Variants in PDE1C observed in about 807,000 individuals in gnomAD.
The protein encoded by PDE1C is phosphodiesterase 1C, also known as dual specificity calcium/calmodulin-dependent 3',5'-cyclic nucleotide phosphodiesterase 1C.
PDE1C carries 62 observed loss-of-function variants against 93.1 expected under a neutral mutation model. That is an observed-to-expected ratio of 0.67 (90% CI 0.54 to 0.82). PDE1C has a LOEUF of 0.82. Ranked by LOEUF, PDE1C falls within the 40% of genes least tolerant of loss-of-function variation. The pLI is 0.00. For synonymous variants in PDE1C, 325 were observed against 310.1 expected, an observed-to-expected ratio of 1.05 and a Z score of -0.50; for missense variants, 742 against 884.6, an observed-to-expected ratio of 0.84 and a Z score of 2.04.
intron 1 of PDE1C, among the ~76,000 whole-genome samples, chr7:32,252,644 G>A (rs979456653): frequency 2.0e-5 from 3 of 152,208 alleles, no homozygotes; most frequent in Non-Finnish European, 4.4e-5. Flanking sequence ...GCAGCACAGA[G>A]GAGGGTGGGA....
intron 1 of PDE1C, among the ~76,000 whole-genome samples, chr7:32,236,043 A>C (rs78814931): frequency 0.16 from 24,922 of 152,078 alleles, 2,225 homozygotes; most frequent in East Asian, 0.29. Flanking sequence ...TGGAGGAAGA[A>C]TAGTCTGTCC....
intron 2 of PDE1C, among the ~76,000 whole-genome samples, chr7:31,958,801 G>C (rs1310338764): frequency 6.6e-6 from 1 of 152,096 alleles, no homozygotes; most frequent in Admixed American, 6.6e-5. Flanking sequence ...AATCAGCAAA[G>C]AAATCTTCCC....
intron 1 of PDE1C, among the ~76,000 whole-genome samples, chr7:32,348,609 T>A (rs1428083877): frequency 3.3e-5 from 5 of 152,088 alleles, no homozygotes; most frequent in South Asian, 2.1e-4. Context: ...GTGATCCTCC[T>A]GACTCGGCCT....
At chr7:32,171,568 T>A (rs982071297) in intron 2 of PDE1C, among the ~76,000 whole-genome samples, 1 of 150,004 alleles carries the variant, frequency 6.7e-6, no homozygotes, top group African/African-American at 2.4e-5. Context: ...CAAAATTAAA[T>A]TATTAAAATT....
At chr7:32,312,124 GA>G (rs1208321331) in intron 1 of PDE1C, among the ~76,000 whole-genome samples, 3 of 151,892 alleles carry the variant, frequency 2.0e-5, no homozygotes, top group Non-Finnish European at 4.4e-5. Context: ...GACAAACAGA[GA>G]GCCAAATCAT....
the PDE1C span, among the ~76,000 whole-genome samples, chr7:31,741,473 A>G: frequency 2.6e-5 from 4 of 152,072 alleles, no homozygotes; most frequent in African/African-American, 9.7e-5. Context: ...AACTAATATA[A>G]TCTCTCAAAT....
the PDE1C span, among the ~76,000 whole-genome samples, chr7:31,648,492 G>T: frequency 6.6e-6 from 1 of 152,022 alleles, no homozygotes; most frequent in Non-Finnish European, 1.5e-5. Context: ...CCAGAAGATG[G>T]CAGCATTTCA....
chr7:31,691,950 A>G, the PDE1C span, among the ~76,000 whole-genome samples: 112 of 152,316 alleles, frequency 7.4e-4, no homozygotes, highest in African/African-American at 2.4e-3. Flanking sequence ...TGGCTATTTA[A>G]TAGATGTGTG....
intron 16 of PDE1C, chr7:31,786,345 T>C (rs1783938242): frequency 6.6e-6 from 1 of 152,164 alleles, no homozygotes; most frequent in African/African-American, 2.4e-5. Flanking sequence ...GTTTTTATTT[T>C]ATTTTTTCCA....
At chr7:31,966,444 C>A (rs1277318623) in intron 2 of PDE1C, among the ~76,000 whole-genome samples, 1 of 152,162 alleles carries the variant, frequency 6.6e-6, no homozygotes, top group East Asian at 1.9e-4. Context: ...CACAGGAGCA[C>A]CCAGATTCAT....
intron 2 of PDE1C, among the ~76,000 whole-genome samples, chr7:31,965,638 T>C (rs4442029): frequency 0.65 from 98,699 of 151,888 alleles, 32,955 homozygotes; most frequent in African/African-American, 0.8. Context: ...AGAAGAGCAA[T>C]TCCAAGACAC....
At chr7:32,181,425 G>A in intron 2 of PDE1C, among the ~76,000 whole-genome samples, 1 of 152,154 alleles carries the variant, frequency 6.6e-6, no homozygotes, top group South Asian at 2.1e-4. Context: ...AAATGTAAAA[G>A]AACAGAAATT....
chr7:31,760,452 T>A (rs1353370266), intron 17 of PDE1C, among the ~76,000 whole-genome samples: 5 of 152,138 alleles, frequency 3.3e-5, no homozygotes, highest in Admixed American at 2.6e-4. Flanking sequence ...GAGTTCAATA[T>A]GATTTCCCAT....
chr7:31,725,639 G>T, the PDE1C span, among the ~76,000 whole-genome samples: 4 of 152,172 alleles, frequency 2.6e-5, no homozygotes, highest in African/African-American at 7.2e-5. Flanking sequence ...GGATTGGATT[G>T]TTATCAGTGC....
intron 1 of PDE1C, among the ~76,000 whole-genome samples, chr7:32,263,453 T>C (rs1810360410): frequency 6.6e-6 from 1 of 152,156 alleles, no homozygotes; most frequent in Admixed American, 6.5e-5. Context: ...GTTACATACA[T>C]TATGGCCTTT....
intron 1 of PDE1C, among the ~76,000 whole-genome samples, chr7:32,262,554 T>C (rs1453370496): frequency 6.6e-6 from 1 of 152,168 alleles, no homozygotes; most frequent in Non-Finnish European, 1.5e-5. Context: ...ACAGGGTCTG[T>C]GTGTGTTGAC....
At chr7:32,147,222 G>A (rs2010805) in intron 3 of PDE1C, among the ~76,000 whole-genome samples, 7,131 of 105,522 alleles carry the variant, frequency 0.068, 32 homozygotes, top group Middle Eastern at 0.11. Context: ...TTTAGTGTGA[G>A]CTCATTTGGT....
chr7:32,060,211 A>G (rs1234754772), intron 1 of PDE1C, among the ~76,000 whole-genome samples: 4 of 152,202 alleles, frequency 2.6e-5, no homozygotes, highest in Non-Finnish European at 5.9e-5. Context: ...TAGCCAGAAC[A>G]AAAACTGTAA....
chr7:32,172,373 T>C (rs1044930801), intron 2 of PDE1C, among the ~76,000 whole-genome samples: 5 of 151,936 alleles, frequency 3.3e-5, no homozygotes, highest in African/African-American at 1.2e-4. Context: ...CATCAAAAAA[T>C]GGGCAAAGGA....
Sources: gnomAD v4.1 joint callset for allele counts (sites outside exome capture counted in the v4.1 genomes callset) on GRCh38, gnomAD v4.1.1 for gene constraint, MANE v1.5 for transcripts, NCBI Gene and HGNC (gene_info 2026-07-23, HGNC 2026-07-21) for gene names.